Variants in RANBP17 observed in about 807,000 individuals in gnomAD.
RANBP17 encodes ran-binding protein 17.
Under a neutral mutation model 141.2 loss-of-function variants are expected in RANBP17, and 158 were observed. That is an observed-to-expected ratio of 1.12 (90% CI 0.98 to 1.28). RANBP17 has a LOEUF of 1.28. Among genes scored for constraint, RANBP17 ranks in the 50% most tolerant of loss-of-function variants. The pLI is 0.00. For missense variants in RANBP17, 1,438 were observed against 1,290.7 expected (o/e 1.11, Z -1.75); for synonymous variants, 430 against 450.0 (o/e 0.96, Z 0.56).
intron 18 of RANBP17, among the ~76,000 whole-genome samples, chr5:171,184,451 A>G (rs969416257): frequency 1.8e-4 from 27 of 152,196 alleles, no homozygotes; most frequent in South Asian, 2.1e-4. Context: ...AGAACTAGAG[A>G]GTAGAATGGT....
chr5:171,234,517 G>A (rs1764413726), intron 22 of RANBP17, among the ~76,000 whole-genome samples: 1 of 152,206 alleles, frequency 6.6e-6, no homozygotes, highest in South Asian at 2.1e-4. Context: ...AAGCAGGGAA[G>A]TCAGATAGGA....
intron 16 of RANBP17, among the ~76,000 whole-genome samples, chr5:171,174,001 G>A (rs1313745309): frequency 2.6e-5 from 4 of 152,164 alleles, no homozygotes; most frequent in African/African-American, 9.7e-5. Context: ...AAATAATGAT[G>A]TGGGGACGTA....
At chr5:171,296,081 C>G in intron 27 of RANBP17, 67 bp downstream of exon 27, 14 of 1,527,472 alleles carry the variant, frequency 9.2e-6, no homozygotes, top group Non-Finnish European at 1.2e-5. Flanking sequence ...AAATAACTCT[C>G]TCGTGCTTGA....
At chr5:171,229,836 C>A (rs527604611) in intron 22 of RANBP17, among the ~76,000 whole-genome samples, 1 of 149,590 alleles carries the variant, frequency 6.7e-6, no homozygotes, top group Non-Finnish European at 1.5e-5. Context: ...GAGGCCAGGG[C>A]GAGTGGGTCA....
At chr5:171,062,341 G>T (rs531241473) in intron 14 of RANBP17, among the ~76,000 whole-genome samples, 131 of 152,276 alleles carry the variant, frequency 8.6e-4, no homozygotes, top group Non-Finnish European at 1.4e-3. Flanking sequence ...AGGAGCTCTT[G>T]TAGGGCAGGC....
intron 13 of RANBP17, among the ~76,000 whole-genome samples, chr5:170,965,840 C>T (rs1003421368): frequency 2.0e-5 from 3 of 152,126 alleles, no homozygotes; most frequent in African/African-American, 4.8e-5. Context: ...CATGATGCCT[C>T]CAGCTTTGTT....
intron 14 of RANBP17, among the ~76,000 whole-genome samples, chr5:171,000,702 C>A (rs1175186121): frequency 2.0e-5 from 3 of 152,102 alleles, no homozygotes; most frequent in African/African-American, 7.2e-5. Flanking sequence ...GTGGGATTAT[C>A]ATTAGTTCTT....
At chr5:171,273,891 G>A (rs61499551) in intron 25 of RANBP17, among the ~76,000 whole-genome samples, 23,262 of 152,032 alleles carry the variant, frequency 0.15, 1,873 homozygotes, top group Middle Eastern at 0.19. Flanking sequence ...CTGGGGCTTT[G>A]GGGGTTATTT....
At chr5:171,173,313 A>G (rs574706569) in intron 16 of RANBP17, among the ~76,000 whole-genome samples, 15 of 152,080 alleles carry the variant, frequency 9.9e-5, no homozygotes, top group Non-Finnish European at 1.9e-4. Context: ...ATTAGGAATA[A>G]GATGACATTC....
At chr5:171,249,582 T>C (rs1581117031) in intron 24 of RANBP17, among the ~76,000 whole-genome samples, 1 of 152,190 alleles carries the variant, frequency 6.6e-6, no homozygotes, top group East Asian at 1.9e-4. Flanking sequence ...AATAAATAAA[T>C]AGAAATTCTG....
chr5:171,227,011 C>T (rs1003592081), intron 22 of RANBP17, among the ~76,000 whole-genome samples: 12 of 152,136 alleles, frequency 7.9e-5, no homozygotes, highest in African/African-American at 2.9e-4. Context: ...TGGCCATTCC[C>T]CATCTCTTCC....
intron 14 of RANBP17, among the ~76,000 whole-genome samples, chr5:171,159,609 CTGTGTACATTAATTTAGTAAAGAAAATT>C (rs1275392163): frequency 6.6e-6 from 1 of 152,112 alleles, no homozygotes; most frequent in African/African-American, 2.4e-5. Context: ...ACCCCCGTGT[CTGTGTACATTAATTTAGTAAAGAAAATT>C]TGGGCCGGGC....
chr5:171,152,555 C>G (rs1758569416), intron 14 of RANBP17, among the ~76,000 whole-genome samples: 1 of 152,162 alleles, frequency 6.6e-6, no homozygotes, highest in Non-Finnish European at 1.5e-5. Flanking sequence ...CCCTGTTGCT[C>G]ATGACATCAA....
intron 14 of RANBP17, among the ~76,000 whole-genome samples, chr5:171,065,818 T>C (rs1784277882): frequency 6.6e-6 from 1 of 152,100 alleles, no homozygotes; most frequent in African/African-American, 2.4e-5. Context: ...TTCCCACCTT[T>C]CACAGATCTT....
chr5:170,903,698 T>C, intron 5 of RANBP17: 1 of 309,250 alleles, frequency 3.2e-6, no homozygotes, highest in South Asian at 4.0e-5. Context: ...ATTGACAGTC[T>C]TTATTTGACA....
At chr5:170,909,297 A>T (rs1177540026) in intron 5 of RANBP17, among the ~76,000 whole-genome samples, 3 of 151,842 alleles carry the variant, frequency 2.0e-5, no homozygotes, top group Non-Finnish European at 4.4e-5. Flanking sequence ...CAGTTTTCTT[A>T]TTCATAGACA....
chr5:171,122,720 T>C (rs1756128800), intron 14 of RANBP17, among the ~76,000 whole-genome samples: 1 of 152,218 alleles, frequency 6.6e-6, no homozygotes, highest in South Asian at 2.1e-4. Flanking sequence ...AGGAAGCTAC[T>C]TGTAGTCCAC....
chr5:170,959,322 A>G (rs569140813), intron 13 of RANBP17, among the ~76,000 whole-genome samples: 1 of 152,308 alleles, frequency 6.6e-6, no homozygotes, highest in South Asian at 2.1e-4. Context: ...ATAAGCCTCC[A>G]GTGGCTTCCT....
chr5:171,079,796 T>A (rs1261358531), intron 14 of RANBP17, among the ~76,000 whole-genome samples: 1 of 152,048 alleles, frequency 6.6e-6, no homozygotes, highest in African/African-American at 2.4e-5. Context: ...AATGCAACAA[T>A]TTTTTTTGCA....
Sources: gnomAD v4.1 joint callset for allele counts (sites outside exome capture counted in the v4.1 genomes callset) on GRCh38, gnomAD v4.1.1 for gene constraint, MANE v1.5 for transcripts, NCBI Gene and HGNC (gene_info 2026-07-23, HGNC 2026-07-21) for gene names.